Variants in PCDHGB4 observed in about 807,000 individuals in gnomAD.
PCDHGB4 encodes protocadherin gamma subfamily B, 4, also known as protocadherin gamma-B4.
PCDHGB4 carries 38 observed loss-of-function variants against 60.5 expected under a neutral mutation model. The ratio of observed to expected loss-of-function variants is 0.63; its 90% CI spans 0.48 to 0.82. PCDHGB4 has a LOEUF of 0.82. PCDHGB4 is among the 40% of genes least tolerant of loss of function. The pLI is 0.00. For synonymous variants in PCDHGB4, 456 were observed against 509.7 expected, an observed-to-expected ratio of 0.89 and a Z score of 1.42; for missense variants, 1,109 against 1,209.6, an observed-to-expected ratio of 0.92 and a Z score of 1.23.
chr5:141,419,258 C>A, intron 1 of PCDHGB4: 3 of 1,614,028 alleles, frequency 1.9e-6, no homozygotes, highest in Non-Finnish European at 2.5e-6. Flanking sequence ...AAACAACCAG[C>A]CGGGTGCCTC....
At chr5:141,409,690 A>G in intron 1 of PCDHGB4, 1 of 1,613,354 alleles carries the variant, frequency 6.2e-7, no homozygotes. Flanking sequence ...CGAGTGACCT[A>G]GAGCCCCTGG....
At chr5:141,420,494 C>T (rs978136090) in intron 1 of PCDHGB4, 6 of 499,392 alleles carry the variant, frequency 1.2e-5, no homozygotes, top group African/African-American at 2.0e-5. Flanking sequence ...GGGTAATCTC[C>T]GGTGACATTT....
chr5:141,437,217 T>G (rs2097868672), intron 1 of PCDHGB4, among the ~76,000 whole-genome samples: 1 of 152,230 alleles, frequency 6.6e-6, no homozygotes, highest in Admixed American at 6.5e-5. Flanking sequence ...TTATTCTGAT[T>G]CCAGTCATAA....
intron 1 of PCDHGB4, chr5:141,414,158 G>A (rs1167529832): frequency 6.2e-7 from 1 of 1,602,572 alleles, no homozygotes; most frequent in Non-Finnish European, 8.5e-7. Flanking sequence ...GCAGAAGATG[G>A]AGGAGCATAT....
chr5:141,399,071 T>C (rs2093748237), intron 1 of PCDHGB4: 1 of 1,613,808 alleles, frequency 6.2e-7, no homozygotes. Flanking sequence ...TCAATGGTTG[T>C]AGAAGGGAGG....
At position 141,454,796 on chromosome 5, in the gene PCDHGB4, A is replaced by ATTTTTTTTTTTTTTTTTTTT. The variant is rs61612330; in HGVS notation, c.2398-40001_2398-39982dup. Among the ~76,000 whole-genome samples, 20 of 77,456 alleles carry ATTTTTTTTTTTTTTTTTTTT rather than the reference A, an allele frequency of 2.6e-4. 2 individuals carry two copies. Among genetic ancestry groups the ATTTTTTTTTTTTTTTTTTTT allele is most frequent in the South Asian group, 5.1e-4 (1 of 1,960 alleles). The allele number at this position is 77,456 out of a possible 152,430, so 50.8% of individuals were successfully genotyped here. On this transcript the variant is annotated intron_variant, in intron 1 of 3. Transcript: ENST00000519479. Reference sequence around the variant, plus strand: ...AAGGAAATAATCCTCCATGGTTCTAATTTTTTTTTTTTTTTTTTTTTTTTT... The same window carrying ATTTTTTTTTTTTTTTTTTTT: ...AAGGAAATAATCCTCCATGGTTCTAATTTTTTTTTTTTTTTTTTTTTTTTTTTTTTTTTTTTTTTTTTTTT...
chr5:141,468,226 G>T (rs967204965), intron 1 of PCDHGB4, among the ~76,000 whole-genome samples: 2 of 151,038 alleles, frequency 1.3e-5, no homozygotes, highest in Admixed American at 1.3e-4. Flanking sequence ...TTGGGAGGAT[G>T]AGGTAGGAGA....
At chr5:141,405,596 A>T (rs1024672340) in intron 1 of PCDHGB4, 2 of 578,622 alleles carry the variant, frequency 3.5e-6, no homozygotes, top group Admixed American at 6.3e-5. Flanking sequence ...AGGCCTCCCA[A>T]GTAGAATAAC....
Position 141,511,319 on chromosome 5 carries a change from C to A in PCDHGB4, c.*146C>A. On this transcript the variant is annotated 3_prime_UTR_variant, in exon 4 of 4. Coordinates refer to ENST00000519479, the MANE Select transcript of PCDHGB4 (RefSeq NM_003736.4). ...CCATGCTCCCCTTGGGAAACAGAAA[C>A]AAGTGCCCAGTCAGCACCTACCCCT... is the stretch of plus-strand genomic sequence containing the variant. 6.8e-7 allele frequency: 1 copy of A among 1,477,420 alleles called. No homozygotes were observed. The highest frequency in any genetic ancestry group is 9.0e-7 in the Non-Finnish European group (1 of 1,108,340). 91.5% of individuals were successfully genotyped at this position (1,477,420 alleles called of 1,614,324 possible).
chr5:141,423,246 G>A, intron 1 of PCDHGB4: 15 of 1,613,922 alleles, frequency 9.3e-6, no homozygotes, highest in Non-Finnish European at 1.3e-5. Context: ...CCGAAGTCCT[G>A]GCGGACCTCG....
At chr5:141,410,022 A>C (rs557770094) in intron 1 of PCDHGB4, 2 of 1,613,094 alleles carry the variant, frequency 1.2e-6, no homozygotes, top group South Asian at 2.2e-5. Context: ...CTGTCCTACC[A>C]CGTGCTGCAG....
chr5:141,433,914 C>A (rs2097664630), intron 1 of PCDHGB4, among the ~76,000 whole-genome samples: 1 of 151,702 alleles, frequency 6.6e-6, no homozygotes, highest in Admixed American at 6.6e-5. Context: ...TTACAATCAC[C>A]TCCAAATGAA....
At chr5:141,413,383 A>G in intron 1 of PCDHGB4, 1 of 1,613,998 alleles carries the variant, frequency 6.2e-7, no homozygotes, top group Non-Finnish European at 8.5e-7. Context: ...CGGAGTCCGC[A>G]TAGTCTCCAG....
intron 1 of PCDHGB4, among the ~76,000 whole-genome samples, chr5:141,465,443 C>T (rs979024871): frequency 6.6e-6 from 1 of 152,158 alleles, no homozygotes; most frequent in Non-Finnish European, 1.5e-5. Flanking sequence ...AATGATTACC[C>T]AAGAAAACTC....
chr5:141,400,126 G>C, intron 1 of PCDHGB4: 1 of 1,614,090 alleles, frequency 6.2e-7, no homozygotes. Context: ...CTTGCAGGAG[G>C]TGCTGCCGGA....
intron 1 of PCDHGB4, chr5:141,478,777 C>T: frequency 6.7e-7 from 1 of 1,488,806 alleles, no homozygotes. Context: ...CATCTGTGGA[C>T]CTAATTCACA....
At chr5:141,507,286 TC>T in intron 3 of PCDHGB4, 1 of 149,886 alleles carries the variant, frequency 6.7e-6, no homozygotes, top group East Asian at 1.9e-4. Context: ...TAAGTCAGTC[TC>T]AAATGTTGCA....
intron 1 of PCDHGB4, chr5:141,398,625 T>C (rs777533974): frequency 6.2e-7 from 1 of 1,614,046 alleles, no homozygotes; most frequent in South Asian, 1.1e-5. Context: ...GCTTAAACTC[T>C]CTGCAGAAGT....
chr5:141,495,069 T>G (rs1179878936), intron 2 of PCDHGB4, among the ~76,000 whole-genome samples: 1 of 152,142 alleles, frequency 6.6e-6, no homozygotes, highest in African/African-American at 2.4e-5. Flanking sequence ...GGAAGCTCAA[T>G]TCACATGCTT....
Sources: gnomAD v4.1 joint callset for allele counts (sites outside exome capture counted in the v4.1 genomes callset) on GRCh38, gnomAD v4.1.1 for gene constraint, MANE v1.5 for transcripts, NCBI Gene and HGNC (gene_info 2026-07-23, HGNC 2026-07-21) for gene names.